The following SWT1 variants were observed in gnomAD, a reference collection of about 807,000 sequenced individuals.
SWT1 encodes transcriptional protein SWT1.
A neutral mutation model predicts 107.3 loss-of-function variants in SWT1; 33 were observed. The ratio of observed to expected loss-of-function variants is 0.31; its 90% confidence interval spans 0.23 to 0.41. The LOEUF (loss-of-function observed/expected upper bound fraction) is 0.41. Ranked by LOEUF, SWT1 falls within the 10% of genes least tolerant of loss-of-function variation. SWT1 has a pLI of 1.00. For missense variants in SWT1, 898 were observed against 1,028.9 expected (o/e 0.87, Z 1.74); for synonymous variants, 345 against 348.3 (o/e 0.99, Z 0.11).
chr1:185,246,650 A>C (rs918458111), intron 16 of SWT1, among the ~76,000 whole-genome samples: 2 of 98,484 alleles, frequency 2.0e-5, no homozygotes, highest in Non-Finnish European at 4.1e-5. Context: ...TTTTTAATAG[A>C]GGGGGGTCTC....
At chr1:185,270,513 GC>G (rs1297573646) in intron 16 of SWT1, among the ~76,000 whole-genome samples, 1 of 151,990 alleles carries the variant, frequency 6.6e-6, no homozygotes, top group African/African-American at 2.4e-5. Flanking sequence ...ACGGGCCTGG[GC>G]AACATGGGGA....
At chr1:185,233,891 C>T (rs921341113) in intron 16 of SWT1, among the ~76,000 whole-genome samples, 16 of 152,018 alleles carry the variant, frequency 1.1e-4, no homozygotes, top group African/African-American at 3.9e-4. Flanking sequence ...CTACAGGCAC[C>T]CGCCACCATG....
intron 15 of SWT1, among the ~76,000 whole-genome samples, chr1:185,231,088 T>C (rs1027936806): frequency 1.3e-5 from 2 of 152,328 alleles, no homozygotes; most frequent in Admixed American, 6.5e-5. Context: ...TACTGATGAC[T>C]TAACACTGCT....
chr1:185,262,902 C>G (rs1047297530), intron 16 of SWT1, among the ~76,000 whole-genome samples: 4 of 152,028 alleles, frequency 2.6e-5, no homozygotes, highest in African/African-American at 9.6e-5. Flanking sequence ...ATTCTCCTAC[C>G]TCAGCCTCCT....
chr1:185,290,495 CAT>C (rs1665191007), intron 18 of SWT1, among the ~76,000 whole-genome samples, 177 bp from the exon 19 acceptor site: 1 of 152,014 alleles, frequency 6.6e-6, no homozygotes, highest in African/African-American at 2.4e-5. Flanking sequence ...TGGAATAATG[CAT>C]ATGTTATTTA....
chr1:185,171,640 A>T, intron 4 of SWT1: 1 of 529,390 alleles, frequency 1.9e-6, no homozygotes, highest in Non-Finnish European at 3.7e-6. Flanking sequence ...GGGTGCAATC[A>T]AGAGTGAACT....
intron 16 of SWT1, 119 bp downstream of exon 16, chr1:185,231,827 C>T (rs1341165856): frequency 6.0e-6 from 4 of 667,294 alleles, no homozygotes; most frequent in African/African-American, 5.5e-5. Flanking sequence ...CACTTTATAG[C>T]ATGAAATCAA....
chr1:185,188,311 C>A (rs1448240364), intron 9 of SWT1, among the ~76,000 whole-genome samples: 1 of 152,158 alleles, frequency 6.6e-6, no homozygotes, highest in Non-Finnish European at 1.5e-5. Context: ...TACTGATAAT[C>A]TTGAGTTTGA....
At chr1:185,233,735 TTTTA>T (rs543564747) in intron 16 of SWT1, among the ~76,000 whole-genome samples, 1 of 152,050 alleles carries the variant, frequency 6.6e-6, no homozygotes. Context: ...ATGTGGTCAA[TTTTA>T]TTTATTTATT....
At chr1:185,167,501 G>C (rs1296869469) in intron 3 of SWT1, among the ~76,000 whole-genome samples, 1 of 152,142 alleles carries the variant, frequency 6.6e-6, no homozygotes, top group Admixed American at 6.5e-5. Flanking sequence ...TATGTTTTAA[G>C]AATTTACTTG....
At chr1:185,180,599 C>T in intron 6 of SWT1, 149 bp downstream of exon 6, 1 of 649,126 alleles carries the variant, frequency 1.5e-6, no homozygotes, top group Non-Finnish European at 2.7e-6. Context: ...TTTATGAAGT[C>T]ATCCAAAACT....
chr1:185,175,259 G>C (rs1199412388), intron 5 of SWT1, 146 bp downstream of exon 5: 1 of 712,046 alleles, frequency 1.4e-6, no homozygotes, highest in Non-Finnish European at 2.0e-6. Flanking sequence ...GTCTCACTCC[G>C]TTGCCCAAGC....
At chr1:185,236,128 T>G (rs1207105057) in intron 16 of SWT1, among the ~76,000 whole-genome samples, 1 of 152,158 alleles carries the variant, frequency 6.6e-6, no homozygotes, top group East Asian at 1.9e-4. Context: ...CTGCCCAAAG[T>G]AATTTATAGA....
chr1:185,226,797 T>G, intron 15 of SWT1: 1 of 1,251,460 alleles, frequency 8.0e-7, no homozygotes, highest in Non-Finnish European at 1.1e-6. Context: ...TATAGAAAAT[T>G]GTTTGGTTTA....
chr1:185,227,919 G>T (rs768517868), intron 15 of SWT1, among the ~76,000 whole-genome samples: 3 of 149,188 alleles, frequency 2.0e-5, no homozygotes, highest in Non-Finnish European at 4.5e-5. Flanking sequence ...GTGAGACTTT[G>T]TCTCTACAAA....
At chr1:185,286,573 A>T (rs1162521419) in intron 18 of SWT1, among the ~76,000 whole-genome samples, 1 of 152,014 alleles carries the variant, frequency 6.6e-6, no homozygotes, top group East Asian at 1.9e-4. Context: ...CGAGTATTTT[A>T]TTATTTTTGA....
chr1:185,243,742 G>A (rs1661407067), intron 16 of SWT1, among the ~76,000 whole-genome samples: 1 of 152,018 alleles, frequency 6.6e-6, no homozygotes, highest in African/African-American at 2.4e-5. Context: ...AGTTTAAATT[G>A]TCTGATTTTT....
At chr1:185,166,343 G>T (rs554790475) in intron 2 of SWT1, among the ~76,000 whole-genome samples, 1 of 152,338 alleles carries the variant, frequency 6.6e-6, no homozygotes, top group Admixed American at 6.5e-5. Flanking sequence ...TTCCTGCTCT[G>T]ATACCTATAT....
At chr1:185,181,806 A>G in intron 6 of SWT1, 140 bp from the exon 7 acceptor site, 1 of 792,044 alleles carries the variant, frequency 1.3e-6, no homozygotes, top group South Asian at 2.0e-5. Flanking sequence ...TTGTTCTTTT[A>G]CTATGCTCCT....
Sources: gnomAD v4.1 joint callset for allele counts (sites outside exome capture counted in the v4.1 genomes callset) on GRCh38, gnomAD v4.1.1 for gene constraint, MANE v1.5 for transcripts, NCBI Gene and HGNC (gene_info 2026-07-23, HGNC 2026-07-21) for gene names.